Variants in SLC38A4 observed in about 807,000 individuals in gnomAD.
The protein encoded by SLC38A4 is solute carrier family 38 member 4.
In SLC38A4, 20 loss-of-function variants were observed where a neutral mutation model predicts 63.1. The ratio of observed to expected loss-of-function variants is 0.32; its 90% CI spans 0.22 to 0.46. The LOEUF is 0.46. Among genes scored for constraint, SLC38A4 ranks in the 20% least tolerant of loss-of-function variants. The probability of loss-of-function intolerance (pLI) is 1.00; values close to 1 mark genes in which losing one functional copy is unlikely to be tolerated. For missense variants in SLC38A4, 526 were observed against 663.6 expected (o/e 0.79, Z 2.28); for synonymous variants, 230 against 225.5 (o/e 1.02, Z -0.18).
At chr12:46,775,382 G>T (rs940040059) in intron 13 of SLC38A4, among the ~76,000 whole-genome samples, 2 of 152,030 alleles carry the variant, frequency 1.3e-5, no homozygotes, top group African/African-American at 4.8e-5. Flanking sequence ...CGTTGCAGAA[G>T]GTATAATACA....
Position 46,769,342 on chromosome 12 carries a change from T to G in SLC38A4, c.1386A>C (p.Ala462=), listed in dbSNP as rs779080751. The G allele has an allele frequency of 1.9e-6, 3 of 1,613,334 alleles. No individual in the cohort carries two copies. In the African/African-American group the frequency reaches 4.0e-5, roughly 22 times the overall value. ...RHFLIAAVLI[A]LNNVLVILVP... is the part of the protein sequence containing the mutation. ...CAAGGATGACCAGAACATTATTAAG[T>G]GCAATAAGCACAGCTGCAATCAGGA... Residue 462 remains alanine (A), a synonymous_variant, in exon 15 of 17, where the codon GCA becomes GCC. Coordinates refer to ENST00000266579, the MANE Select transcript of SLC38A4 (RefSeq NM_018018.5).
chr12:46,808,078 T>C (rs1939270965), intron 1 of SLC38A4, among the ~76,000 whole-genome samples: 1 of 152,024 alleles, frequency 6.6e-6, no homozygotes, highest in Non-Finnish European at 1.5e-5. Flanking sequence ...TACTAAAATG[T>C]AGTGCATTTT....
rs150502603 is a variant in SLC38A4, at chr12:46,801,407, C to T, written c.-113+2196G>A. Reference sequence around the variant, plus strand: ...CTGGAAAGCAAAACAGTCCTTGAGTCGAGAAGCAAAAGTTCTGACCTTCCC... The same window carrying T: ...CTGGAAAGCAAAACAGTCCTTGAGTTGAGAAGCAAAAGTTCTGACCTTCCC... On this transcript the variant is annotated intron_variant, in intron 2 of 16. Coordinates refer to ENST00000266579, the MANE Select transcript of SLC38A4 (RefSeq NM_018018.5). Among the ~76,000 whole-genome samples the T allele has an allele frequency of 1.2e-3, 182 of 152,040 alleles. 8 individuals are homozygous for T. The East Asian group carries it at 0.02, about 17-fold the overall frequency.
At chr12:46,792,027 T>C (rs1340436648) in intron 3 of SLC38A4, among the ~76,000 whole-genome samples, 1 of 152,108 alleles carries the variant, frequency 6.6e-6, no homozygotes, top group Non-Finnish European at 1.5e-5. Flanking sequence ...GTGTGTGTAA[T>C]CTACTTTCTC....
intron 1 of SLC38A4, among the ~76,000 whole-genome samples, chr12:46,809,252 A>G (rs1180860442): frequency 6.6e-6 from 1 of 152,064 alleles, no homozygotes; most frequent in Non-Finnish European, 1.5e-5. Flanking sequence ...GATCCCTACT[A>G]ACTAAAGATA....
rs1255640696 is a variant in SLC38A4, at chr12:46,764,925, T to G, written c.*1776A>C. On this transcript the variant is annotated 3_prime_UTR_variant, in exon 17 of 17. Transcript: ENST00000266579. ...CAGCACAAGCTATCATATGTATGTC[T>G]GCCCTGCAGTATATATGAATTTTAA... 3.9e-5 allele frequency: 6 copies of G among 152,614 alleles called. No individual in the cohort carries two copies. The highest frequency in any genetic ancestry group is 1.3e-4 in the Admixed American group (2 of 15,272). The allele number at this position is 152,614 out of a possible 1,614,324, so 9.5% of individuals were successfully genotyped here. A position where few individuals can be genotyped will look rare whatever the true frequency, so the allele number is the denominator to read the frequency against.
chr12:46,779,949 C>A lies in SLC38A4; in HGVS notation c.575G>T (p.Gly192Val). 1 of 1,611,330 alleles carries A rather than the reference C, an allele frequency of 6.2e-7. No individual in the cohort carries two copies. The highest frequency in any genetic ancestry group is 8.5e-7 in the Non-Finnish European group (1 of 1,178,198). ...GTCACAGAGGGAGCATAAGACATAC[C>A]CAGTATTTTCTTCAAGTCCCATGAA... ...RAFMGLEENT[G>V]EWYLNGNYLI... The change falls in exon 8 of 17, where the codon GGA (glycine) becomes GTA (valine). Residue 192 changes from glycine (G) to valine (V), a missense_variant and splice_region_variant. Gly to Val is a moderately radical substitution (Grantham distance 109, BLOSUM62 -3). Transcript: ENST00000266579.
chr12:46,793,288 A>G (rs1190096047), intron 2 of SLC38A4, 105 bp from the exon 3 acceptor site: 2 of 338,828 alleles, frequency 5.9e-6, no homozygotes, highest in East Asian at 1.1e-4. Flanking sequence ...GAGGAAGGAA[A>G]GAAACTCCTG....
chr12:46,778,564 T>C lies in SLC38A4; in HGVS notation c.930A>G (p.Gly310=). ...NQAKGSLHDS[G]VEYEAHSDDK... is the part of the protein sequence containing the mutation. ...CATCACTATGAGCTTCATATTCTAC[T>C]CCACTGTCATGAAGAGAGCCCTTGG... The change falls in exon 11 of 17, where the codon GGA becomes GGG. Residue 310 remains glycine, a synonymous_variant. Transcript: ENST00000266579. 2 of 1,613,004 alleles carry C rather than the reference T, an allele frequency of 1.2e-6. No individual in the cohort carries two copies. Among genetic ancestry groups the C allele is most frequent in the Non-Finnish European group, 1.7e-6 (2 of 1,179,394 alleles).
chr12:46,784,457 T>C (rs1938716453), intron 7 of SLC38A4, 85 bp downstream of exon 7: 3 of 959,900 alleles, frequency 3.1e-6, no homozygotes, highest in African/African-American at 3.3e-5. Flanking sequence ...GTATCTAAAG[T>C]GCCTGTTTAT....
At chr12:46,831,435 C>T (rs1438078277) in intron 1 of SLC38A4, among the ~76,000 whole-genome samples, 1 of 152,252 alleles carries the variant, frequency 6.6e-6, no homozygotes, top group African/African-American at 2.4e-5. Context: ...TCTCTTAGCT[C>T]GGTTGCCGCG....
chr12:46,803,455 A>G (rs1939171437), intron 2 of SLC38A4, 148 bp downstream of exon 2: 1 of 152,110 alleles, frequency 6.6e-6, no homozygotes, highest in Admixed American at 6.6e-5. Context: ...ATTATACTGA[A>G]TTGATCATTT....
At chr12:46,818,050 G>A (rs899644848) in intron 1 of SLC38A4, among the ~76,000 whole-genome samples, 1 of 151,868 alleles carries the variant, frequency 6.6e-6, no homozygotes, top group Admixed American at 6.6e-5. Flanking sequence ...ACAGGTTTTT[G>A]TAAAAGTTTG....
chr12:46,777,920 C>T (rs1938563650), intron 12 of SLC38A4, among the ~76,000 whole-genome samples: 1 of 152,012 alleles, frequency 6.6e-6, no homozygotes, highest in Non-Finnish European at 1.5e-5. Flanking sequence ...GAGGCTGCCC[C>T]TAACCATAAG....
chr12:46,825,313 T>TATATATATATATATATATATATATATA (rs1939626107), intron 1 of SLC38A4, among the ~76,000 whole-genome samples: 1 of 140,444 alleles, frequency 7.1e-6, no homozygotes, highest in African/African-American at 2.6e-5. Context: ...TATACAAAGT[T>TATATATATATATATATATATATATATA]TATATATATA....
chr12:46,778,195 G>A, intron 12 of SLC38A4, 94 bp downstream of exon 12: 1 of 1,215,738 alleles, frequency 8.2e-7, no homozygotes, highest in Non-Finnish European at 1.2e-6. Flanking sequence ...TCTCTGAAGA[G>A]GAAGCTATAA....
chr12:46,771,403 T>A (rs1176983473), intron 14 of SLC38A4, among the ~76,000 whole-genome samples: 1 of 152,208 alleles, frequency 6.6e-6, no homozygotes, highest in Non-Finnish European at 1.5e-5. Flanking sequence ...AAAAGGTGCA[T>A]TCAAGTCAAT....
intron 15 of SLC38A4, 79 bp from the exon 16 acceptor site, chr12:46,768,486 A>AAGTG: frequency 1.1e-6 from 1 of 924,474 alleles, no homozygotes; most frequent in Non-Finnish European, 1.6e-6. Context: ...CACACTTTAA[A>AAGTG]TAAACCAAAT....
intron 14 of SLC38A4, among the ~76,000 whole-genome samples, chr12:46,774,583 C>G (rs961857679): frequency 6.6e-6 from 1 of 151,896 alleles, no homozygotes; most frequent in African/African-American, 2.4e-5. Context: ...AACATGAATC[C>G]CCTTTTCATT....
Sources: gnomAD v4.1 joint callset for allele counts (sites outside exome capture counted in the v4.1 genomes callset) on GRCh38, gnomAD v4.1.1 for gene constraint, MANE v1.5 for transcripts, NCBI Gene and HGNC (gene_info 2026-07-23, HGNC 2026-07-21) for gene names.